LRRC4C: variants seen among roughly 807,000 people sequenced by gnomAD.
The protein encoded by LRRC4C is leucine-rich repeat-containing protein 4C.
In LRRC4C, 5 loss-of-function variants were observed where a neutral mutation model predicts 33.6. The observed-to-expected ratio is 0.15, with a 90% CI of 0.08 to 0.31. LRRC4C has a LOEUF of 0.31. Ranked by LOEUF, LRRC4C falls within the 10% of genes least tolerant of loss-of-function variation. The pLI, the probability that LRRC4C is intolerant of heterozygous loss-of-function variation, is 1.00. For synonymous variants in LRRC4C, 329 were observed against 302.0 expected (o/e 1.09, Z -0.93); for missense variants, 560 against 796.7 (o/e 0.70, Z 3.58).
chr11:40,396,385 G>A (rs576879367), intron 3 of LRRC4C, among the ~76,000 whole-genome samples: 68 of 151,880 alleles, frequency 4.5e-4, no homozygotes, highest in African/African-American at 1.5e-3. Flanking sequence ...TAATACTACC[G>A]CTCCTCTGGG....
chr11:41,081,567 G>A (rs1303564894), intron 1 of LRRC4C, among the ~76,000 whole-genome samples: 2 of 152,106 alleles, frequency 1.3e-5, no homozygotes, highest in South Asian at 2.1e-4. Context: ...CCTTGGTTTC[G>A]GTTTAGCTTA....
chr11:40,498,836 T>A (rs1954602226), intron 3 of LRRC4C, among the ~76,000 whole-genome samples: 2 of 152,228 alleles, frequency 1.3e-5, no homozygotes, highest in African/African-American at 4.8e-5. Context: ...GGAACATTTT[T>A]ACTGGACTAA....
intron 3 of LRRC4C, among the ~76,000 whole-genome samples, chr11:40,401,993 G>A (rs1949778391): frequency 6.6e-6 from 1 of 152,042 alleles, no homozygotes; most frequent in Admixed American, 6.6e-5. Context: ...AAAAAAATAT[G>A]TAACAATGTT....
chr11:41,445,794 C>T (rs745458188), intron 1 of LRRC4C, among the ~76,000 whole-genome samples: 1 of 151,340 alleles, frequency 6.6e-6, no homozygotes, highest in South Asian at 2.1e-4. Context: ...AAAAAAAGAA[C>T]TTTTTTTCTT....
intron 5 of LRRC4C, among the ~76,000 whole-genome samples, chr11:40,190,885 C>A (rs1292494786): frequency 6.6e-6 from 1 of 152,136 alleles, no homozygotes; most frequent in Non-Finnish European, 1.5e-5. Context: ...AACCTCCCAC[C>A]TCCCACCTTC....
intron 2 of LRRC4C, among the ~76,000 whole-genome samples, chr11:40,773,476 CAT>C (rs148104410): frequency 0.11 from 16,227 of 150,986 alleles, 1,256 homozygotes; most frequent in East Asian, 0.4. Flanking sequence ...ACCCCAGAAA[CAT>C]ATACACCTAC....
chr11:40,365,775 C>T (rs953652652), intron 3 of LRRC4C, among the ~76,000 whole-genome samples: 8 of 151,968 alleles, frequency 5.3e-5, no homozygotes, highest in Admixed American at 2.6e-4. Flanking sequence ...TGATTTTTCT[C>T]AAATATTTAT....
At chr11:40,467,505 A>C (rs188188166) in intron 3 of LRRC4C, among the ~76,000 whole-genome samples, 2 of 152,180 alleles carry the variant, frequency 1.3e-5, no homozygotes, top group East Asian at 1.9e-4. Flanking sequence ...GGGAAGAAAA[A>C]ATTTTTAGAG....
At chr11:41,021,582 A>G (rs1855989255) in intron 1 of LRRC4C, among the ~76,000 whole-genome samples, 1 of 152,106 alleles carries the variant, frequency 6.6e-6, no homozygotes, top group South Asian at 2.1e-4. Context: ...CTATTATATC[A>G]CCACCATTTT....
chr11:40,642,896 T>C (rs2136099619), intron 3 of LRRC4C, among the ~76,000 whole-genome samples: 2 of 152,274 alleles, frequency 1.3e-5, no homozygotes, highest in Non-Finnish European at 2.9e-5. Flanking sequence ...CATCAAAATA[T>C]CTACAAAAAT....
At chr11:41,022,378 T>A (rs766731457) in intron 1 of LRRC4C, among the ~76,000 whole-genome samples, 48 of 151,656 alleles carry the variant, frequency 3.2e-4, no homozygotes, top group Admixed American at 5.3e-4. Flanking sequence ...AAAATTAGAG[T>A]GCTCTGGCAG....
At chr11:40,313,234 C>T (rs1945402831) in intron 4 of LRRC4C, among the ~76,000 whole-genome samples, 1 of 152,074 alleles carries the variant, frequency 6.6e-6, no homozygotes, top group Non-Finnish European at 1.5e-5. Flanking sequence ...CTGGCTGCTA[C>T]AGCCCTTCAA....
chr11:40,918,358 A>G (rs1041855268), intron 2 of LRRC4C, among the ~76,000 whole-genome samples: 2 of 151,646 alleles, frequency 1.3e-5, no homozygotes, highest in Non-Finnish European at 2.9e-5. Flanking sequence ...AGAGAGTGGG[A>G]TACCTGCAAA....
chr11:40,677,591 T>C (rs1457720869), intron 2 of LRRC4C, among the ~76,000 whole-genome samples: 5 of 152,178 alleles, frequency 3.3e-5, no homozygotes, highest in Admixed American at 3.3e-4. Context: ...AGGGTTTGCA[T>C]AAATATTTGG....
At chr11:41,016,703 AC>A (rs1855606566) in intron 1 of LRRC4C, among the ~76,000 whole-genome samples, 1 of 103,000 alleles carries the variant, frequency 9.7e-6, no homozygotes, top group Non-Finnish European at 2.3e-5. Context: ...ATGAGTGAAC[AC>A]AGAGAGGTTT....
intron 1 of LRRC4C, among the ~76,000 whole-genome samples, chr11:41,075,046 GTTT>G (rs59948632): frequency 2.2e-3 from 117 of 52,662 alleles, no homozygotes; most frequent in Middle Eastern, 9.4e-3. Flanking sequence ...TATTTTTAAT[GTTT>G]TTTTTTTTTT....
At chr11:40,593,919 T>G (rs565598781) in intron 3 of LRRC4C, among the ~76,000 whole-genome samples, 6 of 152,330 alleles carry the variant, frequency 3.9e-5, no homozygotes, top group African/African-American at 1.4e-4. Flanking sequence ...AATGATAATT[T>G]TAGAGGAAGG....
chr11:41,125,310 C>T (rs1287547807), intron 1 of LRRC4C, among the ~76,000 whole-genome samples: 2 of 152,040 alleles, frequency 1.3e-5, no homozygotes, highest in Non-Finnish European at 2.9e-5. Context: ...AGGCAATCCT[C>T]AAAAAATTCA....
In LRRC4C at chr11:41,281,042, TTCTC is replaced by T. The variant is rs71063910; in HGVS notation, c.-496+178385_-496+178388del. Among the ~76,000 whole-genome samples, 270 of 76,226 alleles carry T rather than the reference TTCTC, an allele frequency of 3.5e-3. 2 individuals are homozygous for T. The highest frequency in any genetic ancestry group is 2.9e-3 in the African/African-American group (53 of 18,564). 50.0% of individuals were successfully genotyped at this position (76,226 alleles called of 152,430 possible). Reference sequence around the variant, plus strand: ...AGATAATCTCACTTAAATACATATTTTCTCTCTCTCTCTCTCTCTCTCTCTCTCT... The same window carrying T: ...AGATAATCTCACTTAAATACATATTTTCTCTCTCTCTCTCTCTCTCTCTCT... On this transcript the variant is annotated intron_variant, in intron 1 of 6. Transcript: ENST00000528697.
Sources: allele counts gnomAD v4.1 joint callset (sites outside exome capture counted in the v4.1 genomes callset), GRCh38; gene constraint gnomAD v4.1.1; transcripts MANE v1.5; gene names NCBI Gene and HGNC (gene_info 2026-07-23, HGNC 2026-07-21).